RBFOX1: variants seen among roughly 807,000 people sequenced by gnomAD.
RBFOX1 encodes RNA binding protein fox-1 homolog 1.
A neutral mutation model predicts 57.7 loss-of-function variants in RBFOX1; 8 were observed. The ratio of observed to expected loss-of-function variants is 0.14; its 90% CI spans 0.08 to 0.25. The LOEUF (loss-of-function observed/expected upper bound fraction) is 0.25. Among genes scored for constraint, RBFOX1 ranks in the 10% least tolerant of loss-of-function variants. The probability of loss-of-function intolerance (pLI) is 1.00; values close to 1 mark genes in which losing one functional copy is unlikely to be tolerated. For missense variants in RBFOX1, 611 were observed against 548.5 expected (o/e 1.11, Z -1.14); for synonymous variants, 326 against 222.4 (o/e 1.47, Z -4.15).
chr16:5,707,784 G>A (rs2051308039), intron 3 of RBFOX1, among the ~76,000 whole-genome samples: 1 of 152,166 alleles, frequency 6.6e-6, no homozygotes, highest in African/African-American at 2.4e-5. Flanking sequence ...AAAGGACATG[G>A]TGGAATACTT....
chr16:5,293,121 G>C (rs1239651863), intron 1 of RBFOX1, among the ~76,000 whole-genome samples: 1 of 151,802 alleles, frequency 6.6e-6, no homozygotes, highest in Non-Finnish European at 1.5e-5. Flanking sequence ...AGGAGTTCAA[G>C]ACCAAACTGG....
chr16:6,920,815 G>A (rs993015266), intron 3 of RBFOX1, among the ~76,000 whole-genome samples: 1 of 152,176 alleles, frequency 6.6e-6, no homozygotes, highest in Non-Finnish European at 1.5e-5. Flanking sequence ...CTGAATCCAG[G>A]ATGATTCCAT....
chr16:6,370,663 G>A (rs566542254), intron 2 of RBFOX1, among the ~76,000 whole-genome samples: 1 of 152,204 alleles, frequency 6.6e-6, no homozygotes, highest in Admixed American at 6.5e-5. Context: ...GTAATATAGT[G>A]GTTCCTAGGG....
intron 3 of RBFOX1, among the ~76,000 whole-genome samples, chr16:5,830,151 C>T (rs1597410789): frequency 6.6e-6 from 1 of 152,148 alleles, no homozygotes; most frequent in African/African-American, 2.4e-5. Context: ...GATACATTGG[C>T]AGCTCAGGGT....
chr16:7,575,059 C>T (rs1333147867), intron 5 of RBFOX1, among the ~76,000 whole-genome samples: 5 of 128,776 alleles, frequency 3.9e-5, no homozygotes, highest in Non-Finnish European at 6.7e-5. Context: ...TTGGGGGGGG[C>T]TGTGGGGGAG....
chr16:7,052,927 C>T (rs964388776), intron 4 of RBFOX1, among the ~76,000 whole-genome samples: 1 of 152,104 alleles, frequency 6.6e-6, no homozygotes, highest in African/African-American at 2.4e-5. Flanking sequence ...GCCTTATAGC[C>T]ATGTTTTCAA....
At chr16:6,536,563 T>A (rs554830200) in intron 2 of RBFOX1, among the ~76,000 whole-genome samples, 8 of 151,744 alleles carry the variant, frequency 5.3e-5, no homozygotes, top group Non-Finnish European at 8.8e-5. Context: ...GGAGGTTTTT[T>A]TTTTCTTTCT....
chr16:6,792,662 T>G (rs1321673165), intron 3 of RBFOX1, among the ~76,000 whole-genome samples: 4 of 152,218 alleles, frequency 2.6e-5, no homozygotes. Context: ...CATGTCTTTT[T>G]CATTTCTGGT....
rs959592561 is a variant in RBFOX1, at chr16:5,568,822, G to C, written c.259-30080G>C. Among the ~76,000 whole-genome samples the C allele has an allele frequency of 4.7e-4, 72 of 151,966 alleles. 1 individual carries two copies. Among genetic ancestry groups the C allele is most frequent in the Non-Finnish European group, 1.5e-4 (10 of 67,982 alleles). ...CCACCAAATGACTCAACCTGGCTTGGGAAATCATGACATCGGTTCTTTTTG... is the reference window on the plus strand; with the variant it reads ...CCACCAAATGACTCAACCTGGCTTGCGAAATCATGACATCGGTTCTTTTTG... On this transcript the variant is annotated intron_variant, in intron 2 of 2. Transcript: ENST00000585867.
At chr16:6,928,384 A>G (rs1401646398) in intron 3 of RBFOX1, among the ~76,000 whole-genome samples, 1 of 152,136 alleles carries the variant, frequency 6.6e-6, no homozygotes, top group East Asian at 1.9e-4. Flanking sequence ...GAGCCAACAA[A>G]GGGCCCTGTG....
intron 13 of RBFOX1, among the ~76,000 whole-genome samples, chr16:7,666,053 T>C (rs766098008): frequency 9.2e-5 from 14 of 152,212 alleles, no homozygotes; most frequent in Non-Finnish European, 1.8e-4. Flanking sequence ...CCTAATTCAC[T>C]CAGTGATCAA....
chr16:6,570,449 C>T (rs915004671), intron 2 of RBFOX1, among the ~76,000 whole-genome samples: 3 of 152,046 alleles, frequency 2.0e-5, no homozygotes, highest in Non-Finnish European at 4.4e-5. Context: ...TGAGTTAATA[C>T]ACTCTAATAA....
At chr16:6,086,516 A>G (rs1597166262) in intron 1 of RBFOX1, among the ~76,000 whole-genome samples, 1 of 152,086 alleles carries the variant, frequency 6.6e-6, no homozygotes, top group South Asian at 2.1e-4. Flanking sequence ...GTTCTTTTAG[A>G]TTCCTGCTTA....
At chr16:7,194,343 G>C (rs1381299241) in intron 4 of RBFOX1, among the ~76,000 whole-genome samples, 1 of 152,122 alleles carries the variant, frequency 6.6e-6, no homozygotes, top group Non-Finnish European at 1.5e-5. Flanking sequence ...CTGATATCCA[G>C]TTGCCTTTTA....
At chr16:7,461,464 C>T (rs563111999) in intron 4 of RBFOX1, among the ~76,000 whole-genome samples, 1 of 152,018 alleles carries the variant, frequency 6.6e-6, no homozygotes, top group Non-Finnish European at 1.5e-5. Flanking sequence ...CTGTGCCCGG[C>T]CAAAGTAATT....
chr16:5,916,504 T>C (rs1247836438), intron 4 of RBFOX1, among the ~76,000 whole-genome samples: 2 of 152,106 alleles, frequency 1.3e-5, no homozygotes, highest in African/African-American at 4.8e-5. Context: ...ATTCACCACT[T>C]GTTTTAAGCT....
chr16:5,302,552 G>A (rs759964037), intron 1 of RBFOX1, among the ~76,000 whole-genome samples: 8 of 152,102 alleles, frequency 5.3e-5, no homozygotes, highest in Admixed American at 2.0e-4. Flanking sequence ...CTTAAAGTAC[G>A]GTCAATGAAT....
rs555792401 is a variant in RBFOX1, at chr16:7,597,819, C to T, written c.622+388C>T. On this transcript the variant is annotated intron_variant, in intron 9 of 15. Coordinates refer to ENST00000550418, the MANE Select transcript of RBFOX1 (RefSeq NM_018723.4). ...CTAATCATTCCTGGACGTGCAGTCACGTAATTTATTCTGTCTTTGAGTCTT... is the reference window on the plus strand; with the variant it reads ...CTAATCATTCCTGGACGTGCAGTCATGTAATTTATTCTGTCTTTGAGTCTT... 4.6e-5 allele frequency among the ~76,000 whole-genome samples: 7 copies of T among 152,294 alleles called. No individual in the cohort carries two copies. In the South Asian group the frequency reaches 1.0e-3, roughly 23 times the overall value.
chr16:7,454,760 G>A (rs1407562408), intron 4 of RBFOX1, among the ~76,000 whole-genome samples: 1 of 152,172 alleles, frequency 6.6e-6, no homozygotes, highest in Non-Finnish European at 1.5e-5. Context: ...ATGAACATGT[G>A]CAATTGCCCA....
Sources: gnomAD v4.1 joint callset for allele counts (sites outside exome capture counted in the v4.1 genomes callset) on GRCh38, gnomAD v4.1.1 for gene constraint, MANE v1.5 for transcripts, NCBI Gene and HGNC (gene_info 2026-07-23, HGNC 2026-07-21) for gene names.